FMN1: variants seen among roughly 807,000 people sequenced by gnomAD.
FMN1 encodes formin-1.
Under a neutral mutation model 132.4 loss-of-function variants are expected in FMN1, and 110 were observed. The observed-to-expected ratio is 0.83, with a 90% CI of 0.71 to 0.97. The LOEUF is 0.97. Ranked by LOEUF, FMN1 falls within the 50% of genes least tolerant of loss-of-function variation. FMN1 has a pLI of 0.00. For synonymous variants in FMN1, 722 were observed against 651.7 expected, an observed-to-expected ratio of 1.11 and a Z score of -1.64; for missense variants, 1,792 against 1,705.3, an observed-to-expected ratio of 1.05 and a Z score of -0.90.
intron 5 of FMN1, chr15:33,066,588 G>A (rs1201535074): frequency 1.2e-6 from 2 of 1,613,098 alleles, no homozygotes; most frequent in Non-Finnish European, 1.7e-6. Flanking sequence ...TCCTTCTCAT[G>A]TCTCATCTTG....
At chr15:32,907,472 C>T (rs1192461417) in intron 12 of FMN1, among the ~76,000 whole-genome samples, 1 of 152,044 alleles carries the variant, frequency 6.6e-6, no homozygotes, top group Non-Finnish European at 1.5e-5. Flanking sequence ...GCCGGCTTGT[C>T]TCTCACTCAC....
intron 6 of FMN1, among the ~76,000 whole-genome samples, chr15:33,028,993 CAAGT>C (rs1255899317): frequency 3.3e-5 from 5 of 152,134 alleles, no homozygotes; most frequent in Non-Finnish European, 5.9e-5. Context: ...GTTTCTGTGA[CAAGT>C]AAGAATGTTT....
At chr15:32,924,559 A>G (rs1322091404) in intron 10 of FMN1, among the ~76,000 whole-genome samples, 2 of 152,336 alleles carry the variant, frequency 1.3e-5, no homozygotes, top group East Asian at 3.9e-4. Context: ...AACTCATACT[A>G]AATTCTACTG....
chr15:32,952,020 G>C (rs1410843519), intron 9 of FMN1, among the ~76,000 whole-genome samples: 3 of 152,150 alleles, frequency 2.0e-5, no homozygotes, highest in Non-Finnish European at 4.4e-5. Context: ...GCTTGATCTT[G>C]AATTCATAGG....
chr15:33,014,414 G>A (rs2034918251), intron 6 of FMN1, among the ~76,000 whole-genome samples: 1 of 152,118 alleles, frequency 6.6e-6, no homozygotes, highest in South Asian at 2.1e-4. Context: ...GTAGCTCTGG[G>A]ACCTTATAAG....
intron 19 of FMN1, among the ~76,000 whole-genome samples, chr15:32,778,626 C>T (rs183446396): frequency 1.2e-4 from 18 of 152,062 alleles, no homozygotes; most frequent in South Asian, 4.2e-4. Flanking sequence ...TCCACTAGGA[C>T]GGCTAGAATC....
At chr15:32,959,664 C>G (rs905832585) in intron 9 of FMN1, among the ~76,000 whole-genome samples, 1 of 152,106 alleles carries the variant, frequency 6.6e-6, no homozygotes, top group Non-Finnish European at 1.5e-5. Flanking sequence ...CCCCCTCAGA[C>G]AGAGAAACAA....
intron 6 of FMN1, among the ~76,000 whole-genome samples, chr15:33,056,066 C>A (rs1318872197): frequency 6.6e-6 from 1 of 152,130 alleles, no homozygotes; most frequent in Non-Finnish European, 1.5e-5. Context: ...GACAAGAATG[C>A]GGAGTAACCA....
At chr15:32,999,332 T>A (rs1274878196) in intron 7 of FMN1, among the ~76,000 whole-genome samples, 3 of 152,246 alleles carry the variant, frequency 2.0e-5, no homozygotes, top group Non-Finnish European at 4.4e-5. Context: ...TTTCGTTGTA[T>A]CAGCTCAAAT....
At chr15:33,127,962 G>A (rs962667219) in intron 4 of FMN1, among the ~76,000 whole-genome samples, 4 of 152,068 alleles carry the variant, frequency 2.6e-5, no homozygotes, top group Non-Finnish European at 5.9e-5. Flanking sequence ...AGAAAGGAAA[G>A]AAAGGGGAAA....
At chr15:33,173,125 T>C (rs1595599200) in intron 3 of FMN1, among the ~76,000 whole-genome samples, 1 of 152,190 alleles carries the variant, frequency 6.6e-6, no homozygotes, top group Admixed American at 6.5e-5. Flanking sequence ...ATATCCAGTC[T>C]ACTTCTTTGT....
chr15:33,015,883 A>G (rs2035017835), intron 6 of FMN1, among the ~76,000 whole-genome samples: 1 of 152,218 alleles, frequency 6.6e-6, no homozygotes, highest in Non-Finnish European at 1.5e-5. Flanking sequence ...AAAACCCGTG[A>G]TTTCACTGAT....
chr15:32,798,998 A>G (rs1470689718), intron 18 of FMN1, 45 bp from the exon 19 acceptor site: 1 of 1,578,244 alleles, frequency 6.3e-7, no homozygotes, highest in Non-Finnish European at 8.6e-7. Context: ...GAGGTGAGAA[A>G]TTGCCAACAC....
At chr15:33,051,360 G>C (rs1326685581) in intron 6 of FMN1, among the ~76,000 whole-genome samples, 1 of 152,136 alleles carries the variant, frequency 6.6e-6, no homozygotes, top group Non-Finnish European at 1.5e-5. Flanking sequence ...TAAACTGGAA[G>C]TCAGAAGACC....
chr15:33,189,730 A>C (rs1344617012), intron 2 of FMN1, among the ~76,000 whole-genome samples: 1 of 152,216 alleles, frequency 6.6e-6, no homozygotes, highest in African/African-American at 2.4e-5. Context: ...GTACAGCATC[A>C]TTTACCTACT....
chr15:32,924,528 T>C (rs943320027), intron 10 of FMN1, among the ~76,000 whole-genome samples: 4 of 152,200 alleles, frequency 2.6e-5, no homozygotes, highest in African/African-American at 9.7e-5. Context: ...GGCCGTGTGG[T>C]GTCAGATGTT....
chr15:33,043,393 G>A (rs182982482), intron 6 of FMN1, among the ~76,000 whole-genome samples: 3 of 152,240 alleles, frequency 2.0e-5, no homozygotes, highest in East Asian at 1.9e-4. Flanking sequence ...GACAAATGCC[G>A]AGCTGTAACC....
intron 4 of FMN1, among the ~76,000 whole-genome samples, chr15:33,121,455 A>G (rs189160545): frequency 1.3e-5 from 2 of 152,222 alleles, no homozygotes; most frequent in African/African-American, 4.8e-5. Context: ...ATGTAGTTCT[A>G]TATGATACAA....
At chr15:32,865,058 CTA>C (rs1157465737) in intron 16 of FMN1, among the ~76,000 whole-genome samples, 5 of 151,924 alleles carry the variant, frequency 3.3e-5, no homozygotes, top group African/African-American at 1.2e-4. Flanking sequence ...GTAGGCAAAT[CTA>C]TAGAGACAAA....
Sources: allele counts gnomAD v4.1 joint callset (sites outside exome capture counted in the v4.1 genomes callset), GRCh38; gene constraint gnomAD v4.1.1; transcripts MANE v1.5; gene names NCBI Gene and HGNC (gene_info 2026-07-23, HGNC 2026-07-21).